The following MYO18B variants were observed in gnomAD, a reference collection of about 807,000 sequenced individuals.
MYO18B encodes unconventional myosin-XVIIIb.
MYO18B carries 204 observed loss-of-function variants against 273.0 expected under a neutral mutation model. The ratio of observed to expected loss-of-function variants is 0.75; its 90% CI spans 0.67 to 0.84. The LOEUF is 0.84. Among genes scored for constraint, MYO18B ranks in the 40% least tolerant of loss-of-function variants. The pLI is 0.00. For missense variants in MYO18B, 3,212 were observed against 3,287.6 expected (o/e 0.98, Z 0.56); for synonymous variants, 1,330 against 1,305.7 (o/e 1.02, Z -0.40).
intron 21 of MYO18B, among the ~76,000 whole-genome samples, chr22:25,866,146 A>G (rs1185361713): frequency 1.3e-5 from 2 of 152,108 alleles, no homozygotes; most frequent in African/African-American, 2.4e-5. Flanking sequence ...CATTTACTAA[A>G]TTACTCCAGC....
intron 6 of MYO18B, 79 bp from the exon 7 acceptor site, chr22:25,772,255 T>C: frequency 8.1e-7 from 1 of 1,232,546 alleles, no homozygotes; most frequent in Non-Finnish European, 1.1e-6. Flanking sequence ...AGTGTGTGTT[T>C]GGTTGCGGGG....
At chr22:25,974,851 A>G (rs2146755057) in intron 39 of MYO18B, among the ~76,000 whole-genome samples, 1 of 152,266 alleles carries the variant, frequency 6.6e-6, no homozygotes, top group East Asian at 1.9e-4. Context: ...GGTTCAGTCC[A>G]CTGTCTGTCC....
intron 39 of MYO18B, among the ~76,000 whole-genome samples, chr22:25,962,021 G>A (rs1416671093): frequency 6.6e-6 from 1 of 152,176 alleles, no homozygotes; most frequent in Non-Finnish European, 1.5e-5. Flanking sequence ...CTCACTAGAA[G>A]CAGGTGCTGG....
chr22:25,785,816 T>G (rs2087360543), intron 11 of MYO18B, among the ~76,000 whole-genome samples: 1 of 152,150 alleles, frequency 6.6e-6, no homozygotes, highest in African/African-American at 2.4e-5. Context: ...GTCTGTCTCT[T>G]CTTCAGTACA....
intron 12 of MYO18B, among the ~76,000 whole-genome samples, chr22:25,821,240 T>C (rs1330535438): frequency 6.6e-6 from 1 of 152,102 alleles, no homozygotes; most frequent in Non-Finnish European, 1.5e-5. Context: ...TTGAGGAAAG[T>C]TCCTACTGCT....
the MYO18B span, among the ~76,000 whole-genome samples, chr22:26,048,716 A>T: frequency 6.6e-6 from 1 of 152,088 alleles, no homozygotes; most frequent in East Asian, 1.9e-4. Context: ...AACAAAACAA[A>T]ACGTGTTGGC....
intron 42 of MYO18B, 143 bp from the exon 43 acceptor site, chr22:26,026,302 T>TA: frequency 2.1e-6 from 2 of 970,188 alleles, no homozygotes; most frequent in Non-Finnish European, 3.0e-6. Flanking sequence ...CATTAAATCA[T>TA]ATGGTTCATT....
chr22:25,826,522 A>G, intron 14 of MYO18B, 23 bp downstream of exon 14: 1 of 1,603,192 alleles, frequency 6.2e-7, no homozygotes, highest in Non-Finnish European at 8.5e-7. Context: ...TTTCCTAGGC[A>G]CACAGTTGGC....
chr22:25,819,973 C>T (rs1368056781), intron 12 of MYO18B, among the ~76,000 whole-genome samples: 1 of 77,512 alleles, frequency 1.3e-5, no homozygotes, highest in African/African-American at 4.1e-5. Context: ...AACAATAACC[C>T]AGGCTTTTCA....
chr22:25,753,227 A>G (rs2331153), intron 1 of MYO18B, among the ~76,000 whole-genome samples: 47,694 of 151,624 alleles, frequency 0.31, 7,857 homozygotes, highest in South Asian at 0.42. Context: ...CCCGGTCGGC[A>G]GGGGCGGGTG....
At chr22:25,973,265 G>A (rs1397781951) in intron 39 of MYO18B, among the ~76,000 whole-genome samples, 3 of 152,180 alleles carry the variant, frequency 2.0e-5, no homozygotes, top group Non-Finnish European at 4.4e-5. Context: ...AAAATGGGGT[G>A]GTGGTGGTGG....
the MYO18B span, among the ~76,000 whole-genome samples, chr22:26,061,000 CACACAT>C: frequency 1.0e-5 from 1 of 95,870 alleles, no homozygotes; most frequent in African/African-American, 1.0e-4. Flanking sequence ...CACATATGCA[CACACAT>C]ACACACACAC....
intron 11 of MYO18B, among the ~76,000 whole-genome samples, chr22:25,790,059 A>G (rs1481417443): frequency 6.6e-6 from 1 of 152,342 alleles, no homozygotes. Context: ...AGGCTGAGGC[A>G]GGAGAATCGC....
chr22:25,772,231 C>T (rs1764845467), intron 6 of MYO18B, 103 bp from the exon 7 acceptor site: 4 of 1,084,940 alleles, frequency 3.7e-6, no homozygotes, highest in Admixed American at 2.8e-5. Flanking sequence ...ACATAGCTCT[C>T]AAGAGGAGGG....
At chr22:25,790,501 T>C (rs1260849212) in intron 11 of MYO18B, among the ~76,000 whole-genome samples, 1 of 152,192 alleles carries the variant, frequency 6.6e-6, no homozygotes, top group Non-Finnish European at 1.5e-5. Context: ...ACTGTTTGTT[T>C]ATGATTTGTC....
At chr22:25,813,441 C>T (rs2088856843) in intron 12 of MYO18B, among the ~76,000 whole-genome samples, 1 of 152,062 alleles carries the variant, frequency 6.6e-6, no homozygotes, top group African/African-American at 2.4e-5. Flanking sequence ...AAAGATAAAC[C>T]CAGGCTATCT....
At chr22:25,818,562 GAGA>G (rs1284237673) in intron 12 of MYO18B, among the ~76,000 whole-genome samples, 2 of 152,298 alleles carry the variant, frequency 1.3e-5, no homozygotes, top group East Asian at 3.9e-4. Context: ...TCGATGGCTT[GAGA>G]AGAAGTGACC....
At chr22:25,988,137 C>G (rs909396818) in intron 39 of MYO18B, among the ~76,000 whole-genome samples, 2 of 151,900 alleles carry the variant, frequency 1.3e-5, no homozygotes, top group African/African-American at 4.8e-5. Flanking sequence ...GGGGCACTGG[C>G]TCACTTCCCC....
intron 25 of MYO18B, among the ~76,000 whole-genome samples, chr22:25,887,666 G>T (rs1388959134): frequency 6.6e-6 from 1 of 152,144 alleles, no homozygotes; most frequent in Non-Finnish European, 1.5e-5. Flanking sequence ...CATGGTGCCT[G>T]CTCCTCACCT....
Sources: allele counts gnomAD v4.1 joint callset (sites outside exome capture counted in the v4.1 genomes callset), GRCh38; gene constraint gnomAD v4.1.1; transcripts MANE v1.5; gene names NCBI Gene and HGNC (gene_info 2026-07-23, HGNC 2026-07-21).